Variants in ACTR3B observed in about 807,000 individuals in gnomAD.
The protein encoded by ACTR3B is actin-related protein 3B.
Under a neutral mutation model 59.0 loss-of-function variants are expected in ACTR3B, and 8 were observed. The observed-to-expected ratio is 0.14, with a 90% confidence interval of 0.08 to 0.24. The LOEUF (loss-of-function observed/expected upper bound fraction) is 0.24, where lower values mean the gene tolerates loss of function less well. Among genes scored for constraint, ACTR3B ranks in the 10% least tolerant of loss-of-function variants. The pLI, the probability that ACTR3B is intolerant of heterozygous loss-of-function variation, is 1.00. For missense variants in ACTR3B, 245 were observed against 552.3 expected (o/e 0.44, Z 5.58); for synonymous variants, 148 against 197.9 (o/e 0.75, Z 2.12).
At chr7:152,834,546 A>G (rs1252966136) in intron 9 of ACTR3B, among the ~76,000 whole-genome samples, 1 of 152,224 alleles carries the variant, frequency 6.6e-6, no homozygotes, top group Non-Finnish European at 1.5e-5. Context: ...TATGTTTCAT[A>G]TGCTATGTAT....
intron 1 of ACTR3B, among the ~76,000 whole-genome samples, chr7:152,762,446 A>G (rs1427476899): frequency 1.3e-5 from 2 of 152,204 alleles, no homozygotes; most frequent in Admixed American, 6.5e-5. Flanking sequence ...CCAACTGTTA[A>G]CATTTGCTTT....
chr7:152,763,247 G>A (rs1320448898), intron 1 of ACTR3B, among the ~76,000 whole-genome samples: 1 of 146,536 alleles, frequency 6.8e-6, no homozygotes, highest in Non-Finnish European at 1.5e-5. Flanking sequence ...TCCGAGAGGC[G>A]GAAGTTGCAG....
chr7:152,773,799 C>G (rs1215445252), intron 1 of ACTR3B, among the ~76,000 whole-genome samples: 1 of 152,186 alleles, frequency 6.6e-6, no homozygotes, highest in Non-Finnish European at 1.5e-5. Flanking sequence ...TTTACACATT[C>G]CAGAAAACTT....
At chr7:152,846,521 C>CCG (rs1488585283) in intron 9 of ACTR3B, among the ~76,000 whole-genome samples, 3 of 137,178 alleles carry the variant, frequency 2.2e-5, no homozygotes, top group Admixed American at 1.5e-4. Flanking sequence ...GCTCTAGTGC[C>CCG]GGGCTGTAGT....
intron 9 of ACTR3B, among the ~76,000 whole-genome samples, chr7:152,831,933 C>T (rs1303559661): frequency 6.6e-6 from 1 of 152,144 alleles, no homozygotes; most frequent in African/African-American, 2.4e-5. Flanking sequence ...AGATTTTATC[C>T]TGAGGGTGTT....
At position 152,816,448 on chromosome 7, in the gene ACTR3B, T is replaced by G; in HGVS notation, c.433-33T>G. 2.0e-6 allele frequency: 3 copies of G among 1,524,370 alleles called. No individual in the cohort carries two copies. The South Asian group carries it at 3.7e-5, about 19-fold the overall frequency. The allele number at this position is 1,524,370 out of a possible 1,614,324, so 94.4% of individuals were successfully genotyped here. Reference sequence around the variant, plus strand: ...GGCAGGTGGCTTTAGAAAGAGTTCCTATGTGCGAGCGGTTTTCATGTCTTT... The same window carrying G: ...GGCAGGTGGCTTTAGAAAGAGTTCCGATGTGCGAGCGGTTTTCATGTCTTT... On this transcript the variant is annotated intron_variant, in intron 5 of 11. Coordinates refer to ENST00000256001, the MANE Select transcript of ACTR3B (RefSeq NM_020445.6).
rs538127465 is a variant in ACTR3B at position 152,825,354 on chromosome 7, C to T, written c.951+232C>T. Among the ~76,000 whole-genome samples the T allele has an allele frequency of 2.9e-3, 444 of 152,220 alleles. 3 individuals carry two copies. Among genetic ancestry groups the T allele is most frequent in the African/African-American group, 9.8e-3 (408 of 41,524 alleles). On this transcript the variant is annotated intron_variant, in intron 9 of 11. Transcript: ENST00000256001. ...GGAGACGGACTCTTGCTCTGTCACC[C>T]GGGCTGGAGTGCAGTGGTGCGATCT...
chr7:152,835,464 A>G (rs746570475), intron 9 of ACTR3B, among the ~76,000 whole-genome samples: 1 of 152,222 alleles, frequency 6.6e-6, no homozygotes, highest in Non-Finnish European at 1.5e-5. Context: ...GCACTGTATT[A>G]TGGTTTAAGT....
chr7:152,793,328 GTTTT>G (rs200549274), intron 2 of ACTR3B, among the ~76,000 whole-genome samples: 1 of 60,616 alleles, frequency 1.6e-5, no homozygotes, highest in Non-Finnish European at 3.1e-5. Context: ...TCTGGGCTCT[GTTTT>G]TTTTTTTTTA....
At chr7:152,760,008 C>T (rs2098084130) in intron 1 of ACTR3B, 82 bp downstream of exon 1, 5 of 1,198,198 alleles carry the variant, frequency 4.2e-6, no homozygotes, top group Non-Finnish European at 5.3e-6. Flanking sequence ...GGAGGTCGAG[C>T]TGCGTCCGTC....
At chr7:152,851,573 C>T (rs1798807512) in intron 9 of ACTR3B, among the ~76,000 whole-genome samples, 1 of 152,158 alleles carries the variant, frequency 6.6e-6, no homozygotes, top group Non-Finnish European at 1.5e-5. Context: ...CGAGTGCTTC[C>T]CCTTCCTCAG....
rs1450835826 is a variant in ACTR3B at position 152,784,720 on chromosome 7, G to T, written c.100+1478G>T. On this transcript the variant is annotated intron_variant, in intron 2 of 11. Transcript: ENST00000256001. The stretch of plus-strand genomic sequence containing the variant: ...GTGAGGCCTCTCTCCACGGCCTGCA[G>T]AGGGCTGCCTTCTCTCTGTGTCCTC... Among the ~76,000 whole-genome samples, 6 of 152,198 alleles carry T rather than the reference G, an allele frequency of 3.9e-5. No individual in the cohort carries two copies. In the East Asian group the frequency reaches 1.2e-3, roughly 29 times the overall value.
rs565566838 is a variant in ACTR3B, at chr7:152,853,574, G to C, written c.1158G>C (p.Ser386=). 8 of 1,613,182 alleles carry C rather than the reference G, an allele frequency of 5.0e-6. No homozygotes were observed. The highest frequency in any genetic ancestry group is 5.9e-6 in the Non-Finnish European group (7 of 1,179,586). Residue 386 remains serine (S), a synonymous_variant, in exon 11 of 12, where the codon TCG becomes TCC. Transcript: ENST00000256001. The stretch of plus-strand genomic sequence containing the variant: ...GGTTCGGAGGCTCCATGCTGGCCTC[G>C]ACTGTAAGTCCCTCTCTCGAGGGCT... ...AVWFGGSMLA[S]TPEFFQVCHT...
chr7:152,777,284 C>T (rs1563080617), intron 1 of ACTR3B, among the ~76,000 whole-genome samples: 1 of 152,088 alleles, frequency 6.6e-6, no homozygotes, highest in Non-Finnish European at 1.5e-5. Flanking sequence ...AATATTGACT[C>T]TTCCTCCTCC....
intron 4 of ACTR3B, among the ~76,000 whole-genome samples, chr7:152,806,086 T>C (rs1236237917): frequency 6.6e-6 from 1 of 152,234 alleles, no homozygotes; most frequent in Non-Finnish European, 1.5e-5. Flanking sequence ...ATTCTCTTTC[T>C]CTTCTTCTCA....
intron 4 of ACTR3B, among the ~76,000 whole-genome samples, chr7:152,809,812 A>G (rs529645834): frequency 3.9e-5 from 6 of 152,094 alleles, no homozygotes; most frequent in Non-Finnish European, 7.4e-5. Context: ...AAGTGTTGGG[A>G]TTATAGGTGT....
intron 1 of ACTR3B, among the ~76,000 whole-genome samples, chr7:152,779,394 A>G (rs1378700244): frequency 1.8e-4 from 27 of 152,156 alleles, no homozygotes; most frequent in Admixed American, 2.6e-4. Context: ...CAACTGGAAA[A>G]CTCAATCTGA....
chr7:152,812,762 A>T (rs1422810663), intron 4 of ACTR3B: 2 of 148,742 alleles, frequency 1.3e-5, no homozygotes, highest in Non-Finnish European at 3.0e-5. Flanking sequence ...TATGTGTCCT[A>T]GTGTTAAATG....
chr7:152,789,053 A>G (rs866283862), intron 2 of ACTR3B, among the ~76,000 whole-genome samples: 1 of 51,270 alleles, frequency 2.0e-5, no homozygotes, highest in African/African-American at 5.1e-5. Flanking sequence ...ACAACAACAA[A>G]CAGCAACAAC....
Sources: allele counts gnomAD v4.1 joint callset (sites outside exome capture counted in the v4.1 genomes callset), GRCh38; gene constraint gnomAD v4.1.1; transcripts MANE v1.5; gene names NCBI Gene and HGNC (gene_info 2026-07-23, HGNC 2026-07-21).